The following MEGF10 variants were observed in gnomAD, a reference collection of about 807,000 sequenced individuals.
The protein encoded by MEGF10 is multiple epidermal growth factor-like domains protein 10.
In MEGF10, 86 loss-of-function variants were observed where a neutral mutation model predicts 147.5. The ratio of observed to expected loss-of-function variants is 0.58; its 90% confidence interval spans 0.49 to 0.70. The LOEUF is 0.70. MEGF10 is among the 30% of genes least tolerant of loss of function. The probability of loss-of-function intolerance (pLI) is 0.00; values close to 1 mark genes in which losing one functional copy is unlikely to be tolerated. For missense variants in MEGF10, 1,329 were observed against 1,487.3 expected (o/e 0.89, Z 1.75); for synonymous variants, 478 against 525.5 (o/e 0.91, Z 1.24).
intron 1 of MEGF10, among the ~76,000 whole-genome samples, chr5:127,291,829 G>A (rs1759270116): frequency 6.6e-6 from 1 of 152,138 alleles, no homozygotes; most frequent in Non-Finnish European, 1.5e-5. Context: ...AATGAATGAT[G>A]GCAATATCTT....
intron 4 of MEGF10, among the ~76,000 whole-genome samples, chr5:127,351,072 T>G (rs1404588668): frequency 2.0e-5 from 3 of 152,130 alleles, no homozygotes; most frequent in Admixed American, 6.6e-5. Context: ...TAGGATCTAG[T>G]GTTTGATAGC....
At chr5:127,396,838 C>A in intron 6 of MEGF10, 60 bp downstream of exon 6, 1 of 1,568,474 alleles carries the variant, frequency 6.4e-7, no homozygotes, top group South Asian at 1.2e-5. Flanking sequence ...ATTCATGCTG[C>A]TGCTGCCATC....
intron 9 of MEGF10, among the ~76,000 whole-genome samples, chr5:127,412,585 T>C (rs1028672986): frequency 1.3e-5 from 2 of 152,210 alleles, no homozygotes; most frequent in Non-Finnish European, 2.9e-5. Flanking sequence ...ACATTGTCTT[T>C]AGGTACATAT....
At chr5:127,270,317 T>C in the MEGF10 span, among the ~76,000 whole-genome samples, 13 of 152,138 alleles carry the variant, frequency 8.5e-5, no homozygotes, top group African/African-American at 3.1e-4. Flanking sequence ...GACCCATCAG[T>C]GTGCTGTATT....
At chr5:127,418,464 G>A (rs1316634408) in intron 10 of MEGF10, among the ~76,000 whole-genome samples, 3 of 152,174 alleles carry the variant, frequency 2.0e-5, no homozygotes, top group Non-Finnish European at 2.9e-5. Flanking sequence ...TAGAACTGGT[G>A]GATCATAAGG....
intron 4 of MEGF10, among the ~76,000 whole-genome samples, chr5:127,344,920 T>G (rs1761825933): frequency 6.6e-6 from 1 of 152,196 alleles, no homozygotes; most frequent in Non-Finnish European, 1.5e-5. Flanking sequence ...TTCTAAACTT[T>G]TGGGAAATTT....
the MEGF10 span, among the ~76,000 whole-genome samples, chr5:127,258,054 T>C: frequency 6.6e-6 from 1 of 152,194 alleles, no homozygotes; most frequent in Non-Finnish European, 1.5e-5. Context: ...TTTAAATAGA[T>C]GGGTGACAAT....
chr5:127,318,467 T>C (rs549571337), intron 1 of MEGF10, among the ~76,000 whole-genome samples: 1 of 152,272 alleles, frequency 6.6e-6, no homozygotes, highest in Non-Finnish European at 1.5e-5. Context: ...TTTTAAATCA[T>C]GGGAACATAC....
intron 8 of MEGF10, among the ~76,000 whole-genome samples, chr5:127,407,361 A>G (rs1334076987): frequency 6.6e-6 from 1 of 152,152 alleles, no homozygotes; most frequent in African/African-American, 2.4e-5. Flanking sequence ...GGTACCTGTC[A>G]CCCCTTACAC....
At chr5:127,267,556 C>CT in the MEGF10 span, among the ~76,000 whole-genome samples, 2 of 152,034 alleles carry the variant, frequency 1.3e-5, no homozygotes, top group African/African-American at 2.4e-5. Context: ...TGGTCCTGGA[C>CT]TTTTTTTGGT....
chr5:127,289,329 A>G (rs534739988), upstream of MEGF10, among the ~76,000 whole-genome samples: 88 of 152,240 alleles, frequency 5.8e-4, no homozygotes, highest in Non-Finnish European at 7.8e-4. Context: ...CTAACAGCCA[A>G]TTTCCTTAGA....
Position 127,422,801 on chromosome 5 carries a change from G to T in MEGF10, c.1693+29G>T, listed in dbSNP as rs1296797831. 3.2e-6 allele frequency: 5 copies of T among 1,555,136 alleles called. No homozygotes were observed. The African/African-American group carries it at 6.8e-5, about 21-fold the overall frequency. ...AGAGCCAAGGACCGCTAATTGAAAG[G>T]TGAAACCCGCCAATTTAACACCTAG... On this transcript the variant is annotated intron_variant, in intron 13 of 24. Coordinates refer to ENST00000503335, the MANE Select transcript of MEGF10 (RefSeq NM_001256545.2).
chr5:127,231,789 C>T, the MEGF10 span, among the ~76,000 whole-genome samples: 1 of 152,186 alleles, frequency 6.6e-6, no homozygotes, highest in Non-Finnish European at 1.5e-5. Context: ...AGGTGTGTGA[C>T]ATACTTGGGA....
intron 2 of MEGF10, among the ~76,000 whole-genome samples, chr5:127,336,600 C>T (rs1269358489): frequency 1.3e-5 from 2 of 152,078 alleles, no homozygotes; most frequent in East Asian, 3.9e-4. Context: ...CTTCCATCCA[C>T]ATCAAATAGA....
intron 13 of MEGF10, among the ~76,000 whole-genome samples, chr5:127,427,958 G>A (rs980840722): frequency 8.5e-5 from 13 of 152,158 alleles, no homozygotes; most frequent in African/African-American, 2.9e-4. Flanking sequence ...TGTCTGTTTG[G>A]TCTTGGGAGA....
intron 2 of MEGF10, among the ~76,000 whole-genome samples, chr5:127,336,756 C>G (rs1049794958): frequency 2.6e-5 from 4 of 152,088 alleles, no homozygotes; most frequent in Non-Finnish European, 5.9e-5. Context: ...TAAATTAGTA[C>G]TGTAGAGACT....
At chr5:127,406,784 GAC>G (rs1345023912) in intron 8 of MEGF10, among the ~76,000 whole-genome samples, 2 of 152,340 alleles carry the variant, frequency 1.3e-5, no homozygotes, top group East Asian at 3.9e-4. Context: ...AATGTAACAT[GAC>G]ACAGTCAAGT....
chr5:127,248,666 A>G, the MEGF10 span, among the ~76,000 whole-genome samples: 1 of 151,998 alleles, frequency 6.6e-6, no homozygotes, highest in African/African-American at 2.4e-5. Flanking sequence ...AACAAAATGG[A>G]AAAACAAAGA....
In MEGF10 at chr5:127,431,194, A is replaced by G. The variant is rs560313199; in HGVS notation, c.1694-2169A>G. 5.3e-5 allele frequency among the ~76,000 whole-genome samples: 8 copies of G among 152,336 alleles called. No homozygotes were observed. The East Asian group carries it at 9.6e-4, about 18-fold the overall frequency. ...GATGGCTAGGCTAATCAGCTGAACA[A>G]ACCTCTTAAGGGAAGAAGAATAAGT... On this transcript the variant is annotated intron_variant, in intron 13 of 24. Transcript: ENST00000503335.
Sources: gnomAD v4.1 joint callset for allele counts (sites outside exome capture counted in the v4.1 genomes callset) on GRCh38, gnomAD v4.1.1 for gene constraint, MANE v1.5 for transcripts, NCBI Gene and HGNC (gene_info 2026-07-23, HGNC 2026-07-21) for gene names.